The following RASGRP3 variants were observed in gnomAD, a reference collection of about 807,000 sequenced individuals.
RASGRP3 encodes RAS guanyl releasing protein 3.
RASGRP3 carries 54 observed loss-of-function variants against 82.7 expected under a neutral mutation model. The ratio of observed to expected loss-of-function variants is 0.65; its 90% CI spans 0.52 to 0.82. RASGRP3 has a LOEUF of 0.82. Ranked by LOEUF, RASGRP3 falls within the 40% of genes least tolerant of loss-of-function variation. The pLI is 0.00. For synonymous variants in RASGRP3, 309 were observed against 300.5 expected (o/e 1.03, Z -0.29); for missense variants, 861 against 828.9 (o/e 1.04, Z -0.48).
upstream of RASGRP3, among the ~76,000 whole-genome samples, chr2:33,473,101 G>T (rs530374756): frequency 6.6e-6 from 1 of 152,100 alleles, no homozygotes; most frequent in East Asian, 1.9e-4. Context: ...AGTGGCTCAC[G>T]CCTGTAATCC....
intron 1 of RASGRP3, among the ~76,000 whole-genome samples, chr2:33,508,555 T>G (rs1312928250): frequency 6.6e-6 from 1 of 152,138 alleles, no homozygotes; most frequent in African/African-American, 2.4e-5. Flanking sequence ...CTCATTTTTA[T>G]GGAAGGAAAT....
rs1279015939 is a variant in RASGRP3 at position 33,516,615 on chromosome 2, C to T, written c.144C>T (p.Ser48=). 7 of 1,585,922 alleles carry T rather than the reference C, an allele frequency of 4.4e-6. No homozygotes were observed. Among genetic ancestry groups the T allele is most frequent in the Non-Finnish European group, 6.0e-6 (7 of 1,160,236 alleles). Residue 48 remains serine (S), a synonymous_variant, in exon 4 of 18, where the codon TCC becomes TCT. Transcript: ENST00000403687. ...VLLMHRWYLS[S]TELAEKLLCM... ...TGATGCACCGATGGTATTTATCTTCCACTGAATTGGCAGAAAAACTTCTCT... is the reference window on the plus strand; with the variant it reads ...TGATGCACCGATGGTATTTATCTTCTACTGAATTGGCAGAAAAACTTCTCT...
chr2:33,466,028 C>T (rs146223964), intron 2 of RASGRP3, among the ~76,000 whole-genome samples: 3 of 151,084 alleles, frequency 2.0e-5, no homozygotes, highest in Non-Finnish European at 4.4e-5. Context: ...TGTAGCTGGT[C>T]ACCCAAGAGC....
intron 13 of RASGRP3, among the ~76,000 whole-genome samples, chr2:33,545,113 A>G (rs560063105): frequency 6.6e-5 from 10 of 152,188 alleles, no homozygotes; most frequent in Non-Finnish European, 1.3e-4. Context: ...CATTTCTTTT[A>G]TCTGTTGGTT....
At chr2:33,460,632 A>C (rs962844238) in intron 2 of RASGRP3, among the ~76,000 whole-genome samples, 3 of 151,282 alleles carry the variant, frequency 2.0e-5, no homozygotes, top group Admixed American at 2.0e-4. Flanking sequence ...CTCCTACCTC[A>C]GCCTCCTGAG....
intron 11 of RASGRP3, among the ~76,000 whole-genome samples, chr2:33,538,765 G>T (rs531648710): frequency 6.6e-6 from 1 of 152,104 alleles, no homozygotes; most frequent in Non-Finnish European, 1.5e-5. Context: ...ATGGCCAGGC[G>T]TGGTAGCTCA....
At chr2:33,441,262 CT>C (rs1665211843) in intron 1 of RASGRP3, among the ~76,000 whole-genome samples, 2 of 152,128 alleles carry the variant, frequency 1.3e-5, no homozygotes, top group African/African-American at 4.8e-5. Flanking sequence ...CCTTTCCCCC[CT>C]CCTCCCACCC....
At chr2:33,469,846 G>C (rs748878901) in intron 2 of RASGRP3, among the ~76,000 whole-genome samples, 5 of 152,082 alleles carry the variant, frequency 3.3e-5, no homozygotes, top group Admixed American at 6.6e-5. Context: ...TAATTTTTCC[G>C]AATAGTTAAT....
chr2:33,517,666 G>A (rs1166381787), intron 4 of RASGRP3, among the ~76,000 whole-genome samples: 1 of 152,086 alleles, frequency 6.6e-6, no homozygotes, highest in Admixed American at 6.5e-5. Context: ...GTGGTCCAAG[G>A]GTCATATGAC....
At chr2:33,545,932 G>A (rs1025100162) in intron 13 of RASGRP3, among the ~76,000 whole-genome samples, 2 of 151,902 alleles carry the variant, frequency 1.3e-5, no homozygotes, top group Non-Finnish European at 2.9e-5. Context: ...AGCCTCCTGA[G>A]TAGCTGGTTA....
chr2:33,448,394 A>G (rs909558296), intron 2 of RASGRP3, among the ~76,000 whole-genome samples: 1 of 152,234 alleles, frequency 6.6e-6, no homozygotes, highest in Non-Finnish European at 1.5e-5. Flanking sequence ...TGAAAGGCAG[A>G]CACAACCAGA....
intron 14 of RASGRP3, among the ~76,000 whole-genome samples, chr2:33,552,373 C>T (rs898980777): frequency 5.3e-5 from 8 of 152,190 alleles, no homozygotes; most frequent in Admixed American, 2.0e-4. Context: ...CTATTAGACA[C>T]GTTGCACGTC....
At position 33,527,388 on chromosome 2, in the gene RASGRP3, C is replaced by T; in HGVS notation, c.1059C>T (p.Asn353=). ...LQNASHHLEP[N]MDLINLLTLS... The stretch of plus-strand genomic sequence containing the variant: ...ATGCCTCTCACCACTTAGAACCCAA[C>T]ATGGATTTGATCAACCTGCTCACGG... The change falls in exon 10 of 18, where the codon AAC becomes AAT. Residue 353 remains asparagine (N), a synonymous_variant. Coordinates refer to ENST00000403687, the MANE Select transcript of RASGRP3 (RefSeq NM_001139488.2). The T allele has an allele frequency of 1.2e-6, 2 of 1,613,628 alleles. No homozygotes were observed. Among genetic ancestry groups the T allele is most frequent in the Non-Finnish European group, 1.7e-6 (2 of 1,179,602 alleles).
Position 33,562,832 on chromosome 2 carries a change from T to G in RASGRP3, c.*95T>G, listed in dbSNP as rs1164508072. On this transcript the variant is annotated 3_prime_UTR_variant, in exon 18 of 18. Coordinates refer to ENST00000403687, the MANE Select transcript of RASGRP3 (RefSeq NM_001139488.2). The stretch of plus-strand genomic sequence containing the variant: ...AAGCTCTGACTCTCAGGAAGTTATC[T>G]GGAAAGATACCTGGATGTTTACTGC... 3.4e-6 allele frequency: 5 copies of G among 1,483,026 alleles called. No individual in the cohort carries two copies. Among genetic ancestry groups the G allele is most frequent in the Non-Finnish European group, 3.7e-6 (4 of 1,067,772 alleles). The allele number at this position is 1,483,026 out of a possible 1,614,324, so 91.9% of individuals were successfully genotyped here. A position where few individuals can be genotyped will look rare whatever the true frequency, so the allele number is the denominator to read the frequency against.
chr2:33,446,782 C>G (rs1443053025), intron 1 of RASGRP3, among the ~76,000 whole-genome samples: 3 of 151,790 alleles, frequency 2.0e-5, no homozygotes, highest in Non-Finnish European at 4.4e-5. Flanking sequence ...AGAAAAATCT[C>G]TTGGTGAGTG....
intron 2 of RASGRP3, among the ~76,000 whole-genome samples, chr2:33,468,020 C>A (rs1225433602): frequency 1.5e-5 from 2 of 132,222 alleles, no homozygotes; most frequent in African/African-American, 3.8e-5. Context: ...TTCTTTCTTT[C>A]TTTCTTTCTT....
intron 2 of RASGRP3, among the ~76,000 whole-genome samples, chr2:33,452,404 G>A (rs1218534337): frequency 1.3e-5 from 2 of 152,176 alleles, no homozygotes; most frequent in Non-Finnish European, 1.5e-5. Flanking sequence ...TTCTGGGTGG[G>A]TTGTTTGGTG....
At chr2:33,476,857 ATATTT>A (rs1667427808) in intron 1 of RASGRP3, 150 bp downstream of exon 1, 1 of 151,326 alleles carries the variant, frequency 6.6e-6, no homozygotes, top group Admixed American at 6.6e-5. Flanking sequence ...ATAGAAGGAG[ATATTT>A]TATTTGTACC....
At chr2:33,471,636 T>A (rs183366920) in intron 2 of RASGRP3, among the ~76,000 whole-genome samples, 1 of 152,182 alleles carries the variant, frequency 6.6e-6, no homozygotes, top group East Asian at 1.9e-4. Context: ...ACCATGGGAG[T>A]TAATTCTGCT....
Sources: gnomAD v4.1 joint callset for allele counts (sites outside exome capture counted in the v4.1 genomes callset) on GRCh38, gnomAD v4.1.1 for gene constraint, MANE v1.5 for transcripts, NCBI Gene and HGNC (gene_info 2026-07-23, HGNC 2026-07-21) for gene names.